Variants in B3GALT1 observed in about 807,000 individuals in gnomAD.
The protein encoded by B3GALT1 is beta-1,3-galactosyltransferase 1.
In B3GALT1, 10 loss-of-function variants were observed where a neutral mutation model predicts 23.2. That is an observed-to-expected ratio of 0.43 (90% CI 0.27 to 0.73). The LOEUF is 0.73. Ranked by LOEUF, B3GALT1 falls within the 30% of genes least tolerant of loss-of-function variation. The pLI, the probability that B3GALT1 is intolerant of heterozygous loss-of-function variation, is 0.21. For synonymous variants in B3GALT1, 156 were observed against 141.5 expected (o/e 1.10, Z -0.73); for missense variants, 299 against 405.4 (o/e 0.74, Z 2.25).
chr2:167,661,541 G>A (rs561063790), intron 3 of B3GALT1, among the ~76,000 whole-genome samples: 7 of 152,122 alleles, frequency 4.6e-5, no homozygotes, highest in South Asian at 2.1e-4. Flanking sequence ...GATGGGAGCC[G>A]TCCTGTGCAC....
intron 2 of B3GALT1, among the ~76,000 whole-genome samples, chr2:167,512,608 G>GTATATATATATT (rs1700035842): frequency 1.2e-5 from 1 of 80,174 alleles, no homozygotes; most frequent in South Asian, 4.4e-4. Context: ...ATATATATAT[G>GTATATATATATT]TATATATATA....
chr2:167,384,369 C>T (rs1697888767), intron 1 of B3GALT1, among the ~76,000 whole-genome samples: 1 of 152,104 alleles, frequency 6.6e-6, no homozygotes, highest in South Asian at 2.1e-4. Context: ...CCTGAAAAAA[C>T]TAACAAAAAC....
chr2:167,864,996 T>C (rs574693811), intron 4 of B3GALT1, among the ~76,000 whole-genome samples: 2 of 152,332 alleles, frequency 1.3e-5, no homozygotes, highest in East Asian at 3.9e-4. Context: ...ATAAACTTTT[T>C]TCATGTTCTC....
intron 4 of B3GALT1, among the ~76,000 whole-genome samples, chr2:167,843,070 G>A (rs1689682345): frequency 6.6e-6 from 1 of 152,148 alleles, no homozygotes; most frequent in African/African-American, 2.4e-5. Context: ...CACATGGTCT[G>A]TAGTTTTAGC....
At chr2:167,405,336 T>C (rs1411940651) in intron 1 of B3GALT1, among the ~76,000 whole-genome samples, 1 of 152,150 alleles carries the variant, frequency 6.6e-6, no homozygotes, top group African/African-American at 2.4e-5. Flanking sequence ...TAATCCTAAA[T>C]GTGTCCAATT....
chr2:167,561,988 C>A (rs544207695), intron 2 of B3GALT1, among the ~76,000 whole-genome samples: 1 of 152,054 alleles, frequency 6.6e-6, no homozygotes, highest in Non-Finnish European at 1.5e-5. Flanking sequence ...CCAAAGCCGG[C>A]CAGAAACACA....
chr2:167,639,100 G>C (rs1028485968), intron 2 of B3GALT1, among the ~76,000 whole-genome samples: 2 of 152,002 alleles, frequency 1.3e-5, no homozygotes, highest in African/African-American at 4.8e-5. Context: ...GTAAAAAGTA[G>C]CCATAGGAGC....
intron 3 of B3GALT1, among the ~76,000 whole-genome samples, chr2:167,774,134 C>T (rs1210637956): frequency 1.3e-5 from 2 of 152,040 alleles, no homozygotes; most frequent in South Asian, 2.1e-4. Flanking sequence ...GGACATAATG[C>T]GATCACCAAA....
intron 3 of B3GALT1, among the ~76,000 whole-genome samples, chr2:167,668,598 C>T (rs559852984): frequency 2.0e-5 from 3 of 152,250 alleles, no homozygotes; most frequent in Admixed American, 6.5e-5. Context: ...TAGCAATCAG[C>T]GAGACTCCGT....
chr2:167,544,878 C>T (rs903283006), intron 2 of B3GALT1, among the ~76,000 whole-genome samples: 2 of 152,066 alleles, frequency 1.3e-5, no homozygotes, highest in African/African-American at 2.4e-5. Context: ...ACCGCAGCGG[C>T]GAGTGTTACA....
chr2:167,483,755 A>G (rs2105337781), intron 1 of B3GALT1, among the ~76,000 whole-genome samples: 1 of 152,294 alleles, frequency 6.6e-6, no homozygotes, highest in South Asian at 2.1e-4. Context: ...CCTCCATAGA[A>G]TCAGATAACT....
intron 2 of B3GALT1, among the ~76,000 whole-genome samples, chr2:167,620,369 G>A (rs1170553811): frequency 6.6e-6 from 1 of 152,106 alleles, no homozygotes; most frequent in African/African-American, 2.4e-5. Context: ...AACAGGCAGA[G>A]GGAGGGGCTG....
chr2:167,455,026 G>A (rs1699147414), intron 1 of B3GALT1, among the ~76,000 whole-genome samples: 1 of 152,146 alleles, frequency 6.6e-6, no homozygotes, highest in South Asian at 2.1e-4. Flanking sequence ...AAAATGCCAA[G>A]CCTTTAGTTC....
intron 1 of B3GALT1, among the ~76,000 whole-genome samples, chr2:167,360,972 C>T (rs1263653268): frequency 1.3e-5 from 2 of 152,114 alleles, no homozygotes; most frequent in Non-Finnish European, 2.9e-5. Context: ...CTTTCTGTAC[C>T]TGGCTTATTT....
At position 167,832,683 on chromosome 2, in the gene B3GALT1, A is replaced by G. The variant is rs975908892; in HGVS notation, c.-230+13890A>G. 4.6e-5 allele frequency among the ~76,000 whole-genome samples: 7 copies of G among 152,246 alleles called. 1 individual carries two copies. The highest frequency in any genetic ancestry group is 7.2e-5 in the African/African-American group (3 of 41,470). Reference sequence around the variant, plus strand: ...AACACCCACCCTCAACAAACGCTCTATTAAAAATTAGTTACTATGCAATTG... The same window carrying G: ...AACACCCACCCTCAACAAACGCTCTGTTAAAAATTAGTTACTATGCAATTG... On this transcript the variant is annotated intron_variant, in intron 4 of 4. Coordinates refer to ENST00000392690, the MANE Select transcript of B3GALT1 (RefSeq NM_020981.4).
chr2:167,664,752 G>T (rs1366824532), intron 3 of B3GALT1, among the ~76,000 whole-genome samples: 1 of 151,754 alleles, frequency 6.6e-6, no homozygotes, highest in Non-Finnish European at 1.5e-5. Context: ...CTCATGATTT[G>T]GCTCTCTGTT....
intron 2 of B3GALT1, among the ~76,000 whole-genome samples, chr2:167,538,822 GTCT>G (rs1216827073): frequency 6.6e-6 from 1 of 152,040 alleles, no homozygotes; most frequent in East Asian, 1.9e-4. Flanking sequence ...ACTTAACTGT[GTCT>G]TCTTAGTTTT....
chr2:167,869,279 T>G lies in B3GALT1; in HGVS notation c.240T>G (p.Leu80=). ...AATGTGAGAAAAACATTCCTTTTCT[T>G]GTTATCCTCATCAGCACCACTCACA... ...PNKCEKNIPF[L]VILISTTHKE... The change falls in exon 5 of 5, where the codon CTT becomes CTG. Residue 80 remains leucine (L), a synonymous_variant. Transcript: ENST00000392690. This position sits in a 1 kb window ranked among gnomAD's most constrained non-coding sequence, Gnocchi z 6.4. 6.2e-7 allele frequency: 1 copy of G among 1,614,218 alleles called. No homozygotes were observed. The highest frequency in any genetic ancestry group is 8.5e-7 in the Non-Finnish European group (1 of 1,180,046).
At chr2:167,602,681 G>C (rs1257583543) in intron 2 of B3GALT1, among the ~76,000 whole-genome samples, 1 of 151,992 alleles carries the variant, frequency 6.6e-6, no homozygotes, top group South Asian at 2.1e-4. Flanking sequence ...AAATATTTTG[G>C]CCTAATGATA....
Sources: allele counts gnomAD v4.1 joint callset (sites outside exome capture counted in the v4.1 genomes callset), GRCh38; gene constraint gnomAD v4.1.1; non-coding constraint Gnocchi (gnomAD v3.1); transcripts MANE v1.5; gene names NCBI Gene and HGNC (gene_info 2026-07-23, HGNC 2026-07-21).